The following SWT1 variants were observed in gnomAD, a reference collection of about 807,000 sequenced individuals.
SWT1 encodes the protein SWT1 RNA endoribonuclease homolog.
Under a neutral mutation model 107.3 loss-of-function variants are expected in SWT1, and 33 were observed. That is an observed-to-expected ratio of 0.31 (90% confidence interval 0.23 to 0.41). The LOEUF (loss-of-function observed/expected upper bound fraction) is 0.41, where lower values mean the gene tolerates loss of function less well. Ranked by LOEUF, SWT1 falls within the 10% of genes least tolerant of loss-of-function variation. The pLI is 1.00. For synonymous variants in SWT1, 345 were observed against 348.3 expected, an observed-to-expected ratio of 0.99 and a Z score of 0.11; for missense variants, 898 against 1,028.9, an observed-to-expected ratio of 0.87 and a Z score of 1.74.
intron 16 of SWT1, among the ~76,000 whole-genome samples, chr1:185,262,803 TGAGA>T (rs1339748792): frequency 1.3e-5 from 2 of 150,706 alleles, no homozygotes; most frequent in Non-Finnish European, 1.5e-5. Context: ...TTTTTTTTTT[TGAGA>T]GAGGGTCTCA....
In SWT1 at chr1:185,290,954, AT is replaced by A. The variant is rs1665220418; in HGVS notation, c.*153del. 1 of 513,956 alleles carries A rather than the reference AT, an allele frequency of 1.9e-6. No individual in the cohort carries two copies. Among genetic ancestry groups the A allele is most frequent in the Non-Finnish European group, 3.2e-6 (1 of 313,024 alleles). 31.8% of individuals were successfully genotyped at this position (513,956 alleles called of 1,614,324 possible). ...GTGATCGCCTATTACTGACAGTCTC[AT>A]TGTAGCTCTAAAAAGCCTAATGTAT... is the stretch of plus-strand genomic sequence containing the variant. On this transcript the variant is annotated 3_prime_UTR_variant, in exon 19 of 19. Transcript: ENST00000367500.
At chr1:185,212,942 A>G (rs1460460224) in intron 13 of SWT1, among the ~76,000 whole-genome samples, 2 of 152,174 alleles carry the variant, frequency 1.3e-5, no homozygotes, top group East Asian at 1.9e-4. Context: ...CCACGCATGT[A>G]TCCTTAGATT....
chr1:185,235,773 G>T (rs1660826992), intron 16 of SWT1, among the ~76,000 whole-genome samples: 1 of 152,194 alleles, frequency 6.6e-6, no homozygotes. Context: ...GTCTCCGTTT[G>T]CAGATGACAT....
At chr1:185,208,132 TAGG>T (rs1400186445) in intron 13 of SWT1, among the ~76,000 whole-genome samples, 3 of 152,164 alleles carry the variant, frequency 2.0e-5, no homozygotes, top group Admixed American at 1.3e-4. Context: ...TAATGAAGAA[TAGG>T]AGATGATTAA....
chr1:185,280,898 G>A (rs2102768419), intron 18 of SWT1: 1 of 476,772 alleles, frequency 2.1e-6, no homozygotes, highest in Non-Finnish European at 4.3e-6. Context: ...GCTTCTCAGT[G>A]TGGTGGATCA....
chr1:185,162,200 C>G (rs1654208514), intron 2 of SWT1, among the ~76,000 whole-genome samples: 1 of 152,200 alleles, frequency 6.6e-6, no homozygotes, highest in Admixed American at 6.5e-5. Context: ...ATTCCTTAAA[C>G]CTACTTAAAA....
chr1:185,257,953 A>G (rs1001373425), intron 16 of SWT1: 2 of 152,148 alleles, frequency 1.3e-5, no homozygotes, highest in Non-Finnish European at 2.9e-5. Flanking sequence ...AGAAAGAACA[A>G]AGAAATCTGT....
intron 16 of SWT1, among the ~76,000 whole-genome samples, chr1:185,239,248 T>A (rs1443597606): frequency 2.6e-5 from 4 of 152,150 alleles, no homozygotes; most frequent in African/African-American, 9.6e-5. Context: ...CCTTGTTAAA[T>A]GAGAATCCTG....
chr1:185,264,907 A>G (rs1432720279), intron 16 of SWT1, among the ~76,000 whole-genome samples: 2 of 152,160 alleles, frequency 1.3e-5, no homozygotes, highest in Non-Finnish European at 2.9e-5. Flanking sequence ...ATGTATGTTT[A>G]TGTCTAACAA....
At chr1:185,202,894 A>G in intron 11 of SWT1, 95 bp downstream of exon 11, 1 of 655,126 alleles carries the variant, frequency 1.5e-6, no homozygotes, top group Non-Finnish European at 2.3e-6. Context: ...TTTATTTTGT[A>G]CATTTAAAAT....
chr1:185,273,657 C>A (rs891885337), intron 17 of SWT1, among the ~76,000 whole-genome samples: 3 of 151,774 alleles, frequency 2.0e-5, no homozygotes, highest in Non-Finnish European at 4.4e-5. Flanking sequence ...GAGCCAAGAT[C>A]ACACCACTGC....
intron 15 of SWT1, among the ~76,000 whole-genome samples, chr1:185,229,487 G>C (rs953728182): frequency 2.6e-5 from 4 of 151,646 alleles, no homozygotes; most frequent in African/African-American, 7.3e-5. Context: ...TACCTGAATT[G>C]TATAAATCTA....
intron 16 of SWT1, 88 bp from the exon 17 acceptor site, chr1:185,271,235 G>T (rs913906007): frequency 1.4e-6 from 1 of 707,552 alleles, no homozygotes; most frequent in East Asian, 2.6e-5. Flanking sequence ...ACCTCTTGTG[G>T]TATGGGTATG....
chr1:185,280,858 G>A (rs746402363), intron 18 of SWT1: 15 of 436,320 alleles, frequency 3.4e-5, no homozygotes, highest in South Asian at 5.2e-5. Flanking sequence ...CAGAGCTGGC[G>A]GTGCAGAAGG....
chr1:185,264,416 G>A (rs1021621617), intron 16 of SWT1: 2 of 984,912 alleles, frequency 2.0e-6, no homozygotes, highest in African/African-American at 1.7e-5. Flanking sequence ...AGCTTGAATT[G>A]AATGTTCATT....
intron 11 of SWT1, among the ~76,000 whole-genome samples, chr1:185,203,029 G>A (rs548791636): frequency 6.6e-6 from 1 of 152,296 alleles, no homozygotes; most frequent in South Asian, 2.1e-4. Context: ...TTAATTTGAT[G>A]TTTTTGTCTG....
At chr1:185,176,947 G>A (rs1012349127) in intron 5 of SWT1, 14 of 770,442 alleles carry the variant, frequency 1.8e-5, no homozygotes, top group Non-Finnish European at 2.2e-5. Flanking sequence ...TCGCGCCACT[G>A]CACTCCAGCC....
intron 15 of SWT1, chr1:185,227,322 G>C (rs538481445): frequency 1.4e-6 from 1 of 737,500 alleles, no homozygotes; most frequent in Admixed American, 1.7e-5. Context: ...TTCATTGCCA[G>C]TCTCTTCCAC....
chr1:185,222,515 G>A (rs533776817), intron 15 of SWT1, among the ~76,000 whole-genome samples: 87 of 151,824 alleles, frequency 5.7e-4, no homozygotes, highest in Non-Finnish European at 1.0e-3. Flanking sequence ...CCAGCACTTC[G>A]GGAGGCAGAG....
Sources: allele counts gnomAD v4.1 joint callset (sites outside exome capture counted in the v4.1 genomes callset), GRCh38; gene constraint gnomAD v4.1.1; transcripts MANE v1.5; gene names NCBI Gene and HGNC (gene_info 2026-07-23, HGNC 2026-07-21).